DLG2: variants seen among roughly 807,000 people sequenced by gnomAD.
DLG2 encodes disks large homolog 2.
DLG2 carries 45 observed loss-of-function variants against 132.5 expected under a neutral mutation model. The observed-to-expected ratio is 0.34, with a 90% CI of 0.27 to 0.44. The LOEUF (loss-of-function observed/expected upper bound fraction) is 0.44, where lower values mean the gene tolerates loss of function less well. Ranked by LOEUF, DLG2 falls within the 20% of genes least tolerant of loss-of-function variation. DLG2 has a pLI of 1.00. For synonymous variants in DLG2, 424 were observed against 419.6 expected (o/e 1.01, Z -0.13); for missense variants, 1,045 against 1,196.9 (o/e 0.87, Z 1.87).
rs901175188 is a variant in DLG2, at chr11:83,682,024, A to C, written c.1826-48699T>G. On this transcript the variant is annotated intron_variant, in intron 18 of 27. Coordinates refer to ENST00000376104, the MANE Select transcript of DLG2 (RefSeq NM_001142699.3). ...ATCTTTTAAGCTATTTTGCTCGTTA[A>C]AAGGAAATTGTGGAATTTGTCAGGA... The C allele has an allele frequency of 1.1e-5, 6 of 549,606 alleles. No individual in the cohort carries two copies. The African/African-American group carries it at 1.2e-4, about 11-fold the overall frequency. 34.0% of individuals were successfully genotyped at this position (549,606 alleles called of 1,614,324 possible). A position where few individuals can be genotyped will look rare whatever the true frequency, so the allele number is the denominator to read the frequency against.
At chr11:83,526,948 C>T (rs898971986) in intron 21 of DLG2, among the ~76,000 whole-genome samples, 4 of 152,100 alleles carry the variant, frequency 2.6e-5, no homozygotes, top group Admixed American at 1.3e-4. Context: ...AGACCTGCTC[C>T]GTCAGGAAAG....
At chr11:85,153,328 T>C (rs887678926) in intron 5 of DLG2, among the ~76,000 whole-genome samples, 2 of 152,194 alleles carry the variant, frequency 1.3e-5, no homozygotes, top group African/African-American at 4.8e-5. Context: ...TTTTCTTAGT[T>C]GTTCCCATAA....
At chr11:84,067,729 G>C (rs1370850386) in intron 10 of DLG2, among the ~76,000 whole-genome samples, 1 of 152,096 alleles carries the variant, frequency 6.6e-6, no homozygotes, top group Non-Finnish European at 1.5e-5. Flanking sequence ...CACCAGTTAA[G>C]GTTCTCCCTT....
chr11:84,443,153 A>C (rs892499476), intron 7 of DLG2, among the ~76,000 whole-genome samples: 1 of 152,090 alleles, frequency 6.6e-6, no homozygotes, highest in African/African-American at 2.4e-5. Context: ...CAACAGTTGA[A>C]TGTATAATGT....
intron 7 of DLG2, among the ~76,000 whole-genome samples, chr11:84,387,611 C>T (rs750073979): frequency 4.6e-5 from 7 of 152,112 alleles, no homozygotes; most frequent in Non-Finnish European, 1.0e-4. Flanking sequence ...AGAGACAATA[C>T]TCCTGTTCCA....
At chr11:84,140,306 G>A (rs1350897241) in intron 9 of DLG2, among the ~76,000 whole-genome samples, 1 of 151,988 alleles carries the variant, frequency 6.6e-6, no homozygotes, top group Non-Finnish European at 1.5e-5. Context: ...GGGCACTTTG[G>A]AGAATAAAAT....
At chr11:84,677,829 C>A (rs1008392055) in intron 6 of DLG2, among the ~76,000 whole-genome samples, 6 of 152,042 alleles carry the variant, frequency 3.9e-5, no homozygotes, top group Non-Finnish European at 7.4e-5. Context: ...TTTTCCATTG[C>A]AGTGAACTAT....
At chr11:84,823,998 T>C (rs373616318) in intron 6 of DLG2, among the ~76,000 whole-genome samples, 3 of 151,908 alleles carry the variant, frequency 2.0e-5, no homozygotes, top group African/African-American at 7.2e-5. Flanking sequence ...GAGTTACTAA[T>C]AGGAGTAAAA....
At chr11:84,859,124 A>G (rs938763680) in intron 6 of DLG2, among the ~76,000 whole-genome samples, 2 of 151,870 alleles carry the variant, frequency 1.3e-5, no homozygotes, top group Non-Finnish European at 2.9e-5. Flanking sequence ...AGCACCTAGC[A>G]TAATTCTTGC....
intron 5 of DLG2, among the ~76,000 whole-genome samples, chr11:85,124,439 A>C (rs1488983287): frequency 6.6e-6 from 1 of 152,218 alleles, no homozygotes; most frequent in Admixed American, 6.5e-5. Context: ...CGTACTTTTC[A>C]AATATATAAA....
At chr11:84,886,218 C>G (rs76172327) in intron 6 of DLG2, among the ~76,000 whole-genome samples, 1,806 of 152,234 alleles carry the variant, frequency 0.012, 46 homozygotes, top group African/African-American at 0.04. Context: ...TCATCAATCT[C>G]TGTCAACTGC....
At position 83,811,764 on chromosome 11, in the gene DLG2, T is replaced by C. The variant is rs565942456; in HGVS notation, c.1722+21850A>G. On this transcript the variant is annotated intron_variant, in intron 17 of 27. Coordinates refer to ENST00000376104, the MANE Select transcript of DLG2 (RefSeq NM_001142699.3). ...AGGGAAAAGAGTAAATCTTTGACCA[T>C]TCTAAAAGAACAACATTGGAGTTGT... 2.6e-5 allele frequency among the ~76,000 whole-genome samples: 4 copies of C among 152,232 alleles called. No homozygotes were observed. The East Asian group carries it at 7.7e-4, about 29-fold the overall frequency.
chr11:85,308,798 A>G (rs1204648641), intron 3 of DLG2, among the ~76,000 whole-genome samples: 2 of 152,198 alleles, frequency 1.3e-5, no homozygotes, highest in Non-Finnish European at 2.9e-5. Context: ...AATGTTAGCT[A>G]GCATTTATTT....
intron 3 of DLG2, among the ~76,000 whole-genome samples, chr11:85,364,977 G>T (rs1366790462): frequency 6.6e-6 from 1 of 151,696 alleles, no homozygotes; most frequent in African/African-American, 2.4e-5. Flanking sequence ...ATTATAGACG[G>T]GGGCAAGAAA....
At chr11:84,462,397 T>TA (rs1398644605) in intron 7 of DLG2, among the ~76,000 whole-genome samples, 1 of 151,002 alleles carries the variant, frequency 6.6e-6, no homozygotes, top group Non-Finnish European at 1.5e-5. Flanking sequence ...AATAAACATA[T>TA]AAAATAACTG....
At chr11:84,536,633 C>T (rs565880964) in intron 6 of DLG2, among the ~76,000 whole-genome samples, 1 of 152,256 alleles carries the variant, frequency 6.6e-6, no homozygotes, top group African/African-American at 2.4e-5. Context: ...TGGCTTTCAA[C>T]CCATTAACTC....
chr11:84,132,315 T>C (rs2094450202), intron 9 of DLG2, among the ~76,000 whole-genome samples: 2 of 152,138 alleles, frequency 1.3e-5, no homozygotes, highest in Middle Eastern at 3.4e-3. Flanking sequence ...ATACCTGATA[T>C]CTATAAGCTT....
At chr11:84,681,745 C>T (rs1052357646) in intron 6 of DLG2, among the ~76,000 whole-genome samples, 1 of 151,942 alleles carries the variant, frequency 6.6e-6, no homozygotes, top group Non-Finnish European at 1.5e-5. Context: ...AGTCACGCCC[C>T]TGCTGAGATT....
chr11:84,382,666 G>T (rs1332831017), intron 7 of DLG2, among the ~76,000 whole-genome samples: 1 of 151,970 alleles, frequency 6.6e-6, no homozygotes, highest in Non-Finnish European at 1.5e-5. Flanking sequence ...CTTTCTATAA[G>T]GAATTTAGCA....
Sources: allele counts gnomAD v4.1 joint callset (sites outside exome capture counted in the v4.1 genomes callset), GRCh38; gene constraint gnomAD v4.1.1; transcripts MANE v1.5; gene names NCBI Gene and HGNC (gene_info 2026-07-23, HGNC 2026-07-21).